The following CATSPER3 variants were observed in gnomAD, a reference collection of about 807,000 sequenced individuals.
CATSPER3 encodes the protein cation channel sperm-associated protein 3.
A neutral mutation model predicts 36.6 loss-of-function variants in CATSPER3; 23 were observed. That is an observed-to-expected ratio of 0.63 (90% CI 0.45 to 0.89). CATSPER3 has a LOEUF of 0.89. CATSPER3 is among the 40% of genes least tolerant of loss of function. The pLI is 0.00. For synonymous variants in CATSPER3, 172 were observed against 184.1 expected (o/e 0.93, Z 0.53); for missense variants, 474 against 503.9 (o/e 0.94, Z 0.57).
At chr5:135,005,818 G>A (rs559088815) in intron 3 of CATSPER3, among the ~76,000 whole-genome samples, 1 of 152,334 alleles carries the variant, frequency 6.6e-6, no homozygotes, top group East Asian at 1.9e-4. Context: ...GCTGTGATGT[G>A]AGCATTAGTC....
At chr5:134,968,150 G>T in intron 1 of CATSPER3, 61 bp downstream of exon 1, 1 of 1,176,626 alleles carries the variant, frequency 8.5e-7, no homozygotes, top group Non-Finnish European at 1.3e-6. Context: ...GTGAGGGCAG[G>T]GTGTCAGTGT....
intron 2 of CATSPER3, among the ~76,000 whole-genome samples, chr5:134,983,140 A>G (rs972953964): frequency 5.9e-5 from 9 of 152,254 alleles, no homozygotes; most frequent in African/African-American, 2.2e-4. Context: ...TAATGGAGGA[A>G]TTGAGGAACA....
At chr5:134,970,357 C>T (rs987772649) in intron 2 of CATSPER3, among the ~76,000 whole-genome samples, 5 of 152,010 alleles carry the variant, frequency 3.3e-5, no homozygotes, top group African/African-American at 1.2e-4. Context: ...GACGGGGTTT[C>T]ACCTTCTTGG....
chr5:135,004,689 T>C (rs1167457969), intron 3 of CATSPER3, among the ~76,000 whole-genome samples: 3 of 151,854 alleles, frequency 2.0e-5, no homozygotes, highest in Non-Finnish European at 2.9e-5. Context: ...CATAAAGATG[T>C]GGAAGGTCCC....
intron 3 of CATSPER3, among the ~76,000 whole-genome samples, chr5:134,999,408 A>T (rs1751992911): frequency 6.6e-6 from 1 of 152,072 alleles, no homozygotes; most frequent in African/African-American, 2.4e-5. Flanking sequence ...TTTTGGTTCC[A>T]TATGAACTTT....
chr5:134,976,193 G>A (rs1751670206), intron 2 of CATSPER3, among the ~76,000 whole-genome samples: 2 of 152,208 alleles, frequency 1.3e-5, no homozygotes, highest in African/African-American at 4.8e-5. Context: ...TGTACAGGAA[G>A]CATAGTACCA....
Position 135,008,969 on chromosome 5 carries a change from C to T in CATSPER3, c.804C>T (p.Ile268=). The change falls in exon 5 of 8, where the codon ATC becomes ATT. Residue 268 remains isoleucine (I), a synonymous_variant. Transcript: ENST00000282611. The part of the protein sequence containing the change: ...IFLNMFVGVM[I]MHTEDSIRKF... ...TCAACATGTTCGTGGGTGTGATGAT[C>T]ATGCACACAGAGGTGAGGCCACACC... 1 of 1,614,052 alleles carries T rather than the reference C, an allele frequency of 6.2e-7. No individual in the cohort carries two copies. The highest frequency in any genetic ancestry group is 2.2e-5 in the East Asian group (1 of 44,884).
intron 2 of CATSPER3, among the ~76,000 whole-genome samples, chr5:134,993,038 A>G (rs748373480): frequency 2.6e-4 from 39 of 152,244 alleles, no homozygotes; most frequent in Admixed American, 6.5e-4. Flanking sequence ...TAAACAAAAT[A>G]TGGTAGATGC....
intron 2 of CATSPER3, among the ~76,000 whole-genome samples, chr5:134,987,914 C>T (rs905645161): frequency 2.0e-5 from 3 of 152,110 alleles, no homozygotes; most frequent in Non-Finnish European, 2.9e-5. Context: ...GCTTTCACCA[C>T]GATTTAACAT....
chr5:134,980,241 C>T (rs188487), intron 2 of CATSPER3, among the ~76,000 whole-genome samples: 27,949 of 151,564 alleles, frequency 0.18, 2,848 homozygotes, highest in Middle Eastern at 0.27. Flanking sequence ...CTGGGCCTCC[C>T]GAAGCACTGG....
rs73284749 is a variant in CATSPER3 at position 135,010,324 on chromosome 5, C to T, written c.937-49C>T. The T allele has an allele frequency of 2.4e-3, 3,783 of 1,549,342 alleles. 86 individuals carry two copies. In the African/African-American group the frequency reaches 0.047, roughly 19 times the overall value. On this transcript the variant is annotated intron_variant, in intron 6 of 7. Coordinates refer to ENST00000282611, the MANE Select transcript of CATSPER3 (RefSeq NM_178019.3). Reference sequence around the variant, plus strand: ...AGAGTCTCCATGTCTCTGTGCAGCTCGGCTGTCACCTCCTCATCACTGCTC... The same window carrying T: ...AGAGTCTCCATGTCTCTGTGCAGCTTGGCTGTCACCTCCTCATCACTGCTC...
intron 3 of CATSPER3, among the ~76,000 whole-genome samples, chr5:134,997,761 C>T (rs1303832687): frequency 6.6e-6 from 1 of 152,190 alleles, no homozygotes; most frequent in Non-Finnish European, 1.5e-5. Context: ...CAGGACCCTC[C>T]ACCTGCCTAC....
chr5:134,988,540 A>G (rs891573428), intron 2 of CATSPER3, among the ~76,000 whole-genome samples: 1 of 152,242 alleles, frequency 6.6e-6, no homozygotes. Flanking sequence ...CTTTCATAGC[A>G]TCTTCGCCAG....
chr5:134,978,982 A>G (rs965170654), intron 2 of CATSPER3, among the ~76,000 whole-genome samples: 2 of 152,094 alleles, frequency 1.3e-5, no homozygotes, highest in Non-Finnish European at 2.9e-5. Flanking sequence ...TCGGCCTCCC[A>G]AAGTGCTGGG....
At chr5:135,010,270 G>T in intron 6 of CATSPER3, 103 bp from the exon 7 acceptor site, 1 of 1,018,764 alleles carries the variant, frequency 9.8e-7, no homozygotes. Flanking sequence ...CAGGACCAGG[G>T]TCAGGCCGCT....
chr5:135,008,651 C>G (rs1247017565), intron 4 of CATSPER3, among the ~76,000 whole-genome samples, 190 bp from the exon 5 acceptor site: 1 of 152,160 alleles, frequency 6.6e-6, no homozygotes, highest in African/African-American at 2.4e-5. Flanking sequence ...GCATCCCCAC[C>G]CAGGGGTGCT....
At chr5:135,007,320 A>T (rs1213090825) in intron 3 of CATSPER3, among the ~76,000 whole-genome samples, 6 of 152,194 alleles carry the variant, frequency 3.9e-5, no homozygotes, top group Admixed American at 3.3e-4. Context: ...GTGAACATGC[A>T]TTGAGTGACT....
chr5:134,987,564 G>A (rs1287877090), intron 2 of CATSPER3, among the ~76,000 whole-genome samples: 1 of 152,150 alleles, frequency 6.6e-6, no homozygotes, highest in African/African-American at 2.4e-5. Flanking sequence ...TTGTCATTGA[G>A]AGAGTAACAA....
At position 135,008,110 on chromosome 5, in the gene CATSPER3, G is replaced by T; in HGVS notation, c.646G>T (p.Ala216Ser). ...TGATAACTGGGGGAACCTGGCTGCA[G>T]CTTTTTTCACCCTCTTCAGCTTGGC... ...DHDNWGNLAA[A>S]FFTLFSLATV... The change falls in exon 4 of 8, where the codon GCT becomes TCT. Residue 216 changes from alanine to serine, a missense_variant. Ala to Ser is a moderately conservative substitution (Grantham distance 99). Transcript: ENST00000282611. The T allele has an allele frequency of 6.2e-7, 1 of 1,614,138 alleles. No individual in the cohort carries two copies. The highest frequency in any genetic ancestry group is 8.5e-7 in the Non-Finnish European group (1 of 1,180,012).
Sources: allele counts gnomAD v4.1 joint callset (sites outside exome capture counted in the v4.1 genomes callset), GRCh38; gene constraint gnomAD v4.1.1; transcripts MANE v1.5; gene names NCBI Gene and HGNC (gene_info 2026-07-23, HGNC 2026-07-21).